KCNMA1: variants seen among roughly 807,000 people sequenced by gnomAD.
KCNMA1 encodes the protein potassium calcium-activated channel subfamily M alpha 1.
A neutral mutation model predicts 140.0 loss-of-function variants in KCNMA1; 29 were observed. The observed-to-expected ratio is 0.21, with a 90% CI of 0.15 to 0.28. KCNMA1 has a LOEUF of 0.28. Ranked by LOEUF, KCNMA1 falls within the 10% of genes least tolerant of loss-of-function variation. The probability of loss-of-function intolerance (pLI) is 1.00; values close to 1 mark genes in which losing one functional copy is unlikely to be tolerated. For missense variants in KCNMA1, 880 were observed against 1,602.2 expected, an observed-to-expected ratio of 0.55 and a Z score of 7.70; for synonymous variants, 612 against 611.9, an observed-to-expected ratio of 1.00 and a Z score of 0.00.
chr10:77,550,074 A>T (rs1308850715), intron 1 of KCNMA1, among the ~76,000 whole-genome samples: 1 of 152,208 alleles, frequency 6.6e-6, no homozygotes, highest in African/African-American at 2.4e-5. Context: ...ACGCACCCCC[A>T]GCCCAGCCAC....
chr10:77,278,370 G>T (rs1461003322), intron 2 of KCNMA1, among the ~76,000 whole-genome samples: 1 of 152,148 alleles, frequency 6.6e-6, no homozygotes, highest in African/African-American at 2.4e-5. Flanking sequence ...AACACCTTGG[G>T]AATTCAGAAG....
downstream of KCNMA1, chr10:76,884,749 G>A: frequency 3.9e-6 from 2 of 516,614 alleles, no homozygotes; most frequent in Non-Finnish European, 6.5e-6. Context: ...TTTAGAAAGT[G>A]GAAGAAGGAA....
At chr10:76,947,999 C>G (rs34528617) in intron 22 of KCNMA1, among the ~76,000 whole-genome samples, 113,729 of 141,716 alleles carry the variant, frequency 0.8, 42,956 homozygotes, top group East Asian at 0.93. Context: ...TCAGTTGTTT[C>G]TTGTTTTGTT....
chr10:77,447,552 C>T (rs2097551308), intron 1 of KCNMA1, among the ~76,000 whole-genome samples: 1 of 152,242 alleles, frequency 6.6e-6, no homozygotes, highest in Non-Finnish European at 1.5e-5. Flanking sequence ...ACAGCAGCTG[C>T]TGATCAGGTA....
chr10:76,973,960 G>C (rs1284472353), intron 19 of KCNMA1: 1 of 152,390 alleles, frequency 6.6e-6, no homozygotes, highest in African/African-American at 2.4e-5. Context: ...CCTCTGCCCT[G>C]TTTCCCCAGT....
rs755728654 is a variant in KCNMA1, at chr10:77,183,583, T to A, written c.697-51A>T. On this transcript the variant is annotated intron_variant, in intron 4 of 27. Coordinates refer to ENST00000286628, the MANE Select transcript of KCNMA1 (RefSeq NM_001161352.2). ...AGAAAAAACATGAGAAGCATGGTGC[T>A]GGCATCCAATGTACACTCTTTTGTC... 3 of 1,215,152 alleles carry A rather than the reference T, an allele frequency of 2.5e-6. No individual in the cohort carries two copies. In the South Asian group the frequency reaches 3.8e-5, roughly 15 times the overall value. The allele number at this position is 1,215,152 out of a possible 1,614,324, so 75.3% of individuals were successfully genotyped here.
In KCNMA1 at chr10:77,220,513, G is replaced by A. The variant is rs1459626988; in HGVS notation, c.602+30682C>T. On this transcript the variant is annotated intron_variant, in intron 3 of 27. Coordinates refer to ENST00000286628, the MANE Select transcript of KCNMA1 (RefSeq NM_001161352.2). ...TTGTCATTTATTTTTTAAATGTCAG[G>A]AGATTTTAAAACTTCTAGGAGAGCA... 5.3e-5 allele frequency among the ~76,000 whole-genome samples: 8 copies of A among 152,240 alleles called. No individual in the cohort carries two copies. The East Asian group carries it at 1.5e-3, about 29-fold the overall frequency.
intron 1 of KCNMA1, among the ~76,000 whole-genome samples, chr10:77,543,712 A>G (rs2060724266): frequency 6.6e-6 from 1 of 152,254 alleles, no homozygotes; most frequent in African/African-American, 2.4e-5. Context: ...ACAACTGGAA[A>G]TTGAATTCCT....
intron 3 of KCNMA1, among the ~76,000 whole-genome samples, chr10:77,197,938 G>A (rs955416221): frequency 3.3e-5 from 5 of 152,134 alleles, no homozygotes; most frequent in African/African-American, 7.2e-5. Flanking sequence ...CATTACACGC[G>A]AGAAGAGGCA....
exon 28 of KCNMA1, chr10:76,871,412 C>T (rs752822046): frequency 3.3e-5 from 5 of 152,350 alleles, no homozygotes; most frequent in Non-Finnish European, 5.9e-5. Flanking sequence ...AGACCCACAG[C>T]CATTGCCCCA....
intron 1 of KCNMA1, among the ~76,000 whole-genome samples, chr10:77,446,368 A>C (rs2097529696): frequency 6.6e-6 from 1 of 152,210 alleles, no homozygotes; most frequent in Non-Finnish European, 1.5e-5. Flanking sequence ...CCTAGCTGGT[A>C]GCTTCTGGCC....
chr10:77,583,135 T>G (rs1351361538), intron 1 of KCNMA1, among the ~76,000 whole-genome samples: 1 of 152,190 alleles, frequency 6.6e-6, no homozygotes, highest in Non-Finnish European at 1.5e-5. Context: ...GCCAATCTCT[T>G]ACTGCTCAGA....
chr10:77,325,999 G>A (rs1030710553), intron 2 of KCNMA1, among the ~76,000 whole-genome samples: 1 of 151,982 alleles, frequency 6.6e-6, no homozygotes, highest in African/African-American at 2.4e-5. Flanking sequence ...TGACTGTTTT[G>A]GTTTCTTCCC....
intron 2 of KCNMA1, among the ~76,000 whole-genome samples, chr10:77,268,691 T>C (rs1271590201): frequency 3.3e-5 from 5 of 152,058 alleles, no homozygotes; most frequent in Admixed American, 6.6e-5. Flanking sequence ...CTAACTCACA[T>C]GGGGTTCGAA....
At chr10:77,628,862 GA>G (rs1270961495) in intron 1 of KCNMA1, among the ~76,000 whole-genome samples, 1 of 151,988 alleles carries the variant, frequency 6.6e-6, no homozygotes, top group African/African-American at 2.4e-5. Context: ...AGCCACTAAG[GA>G]AAAAAGGATG....
Position 76,913,692 on chromosome 10 carries a change from A to G in KCNMA1, c.3016+1244T>C, listed in dbSNP as rs77081835. 873 of 200,284 alleles carry G rather than the reference A, an allele frequency of 4.4e-3. 5 individuals are homozygous for G. Among genetic ancestry groups the G allele is most frequent in the African/African-American group, 0.017 (728 of 43,536 alleles). 12.4% of individuals were successfully genotyped at this position (200,284 alleles called of 1,614,324 possible). A position where few individuals can be genotyped will look rare whatever the true frequency, so the allele number is the denominator to read the frequency against. ...AGAGCTGTGAAGACATGTCATTCAAACTGACAGTATGTTGGAAGAGGAGTA... is the reference window on the plus strand; with the variant it reads ...AGAGCTGTGAAGACATGTCATTCAAGCTGACAGTATGTTGGAAGAGGAGTA... On this transcript the variant is annotated intron_variant, in intron 24 of 27. Transcript: ENST00000286628.
At chr10:77,580,163 C>T (rs916953830) in intron 1 of KCNMA1, among the ~76,000 whole-genome samples, 4 of 152,106 alleles carry the variant, frequency 2.6e-5, no homozygotes, top group Admixed American at 6.5e-5. Flanking sequence ...GGGCAGATCA[C>T]GAGGTCTGGA....
intron 23 of KCNMA1, among the ~76,000 whole-genome samples, chr10:76,922,753 G>GAA (rs2056334840): frequency 6.6e-6 from 1 of 152,202 alleles, no homozygotes; most frequent in Non-Finnish European, 1.5e-5. Flanking sequence ...TAAAACCAGA[G>GAA]ACATTCCAGT....
chr10:77,025,281 T>TATATATATATACATATAC (rs1394239548), intron 16 of KCNMA1, among the ~76,000 whole-genome samples: 4 of 122,324 alleles, frequency 3.3e-5, no homozygotes, highest in Admixed American at 1.7e-4. Context: ...TATATATATA[T>TATATATATATACATATAC]ACACACACAC....
Sources: allele counts gnomAD v4.1 joint callset (sites outside exome capture counted in the v4.1 genomes callset), GRCh38; gene constraint gnomAD v4.1.1; transcripts MANE v1.5; gene names NCBI Gene and HGNC (gene_info 2026-07-23, HGNC 2026-07-21).